Variants in AMHR2 observed in about 807,000 individuals in gnomAD.
AMHR2 encodes anti-Mullerian hormone receptor type 2, also known as anti-Muellerian hormone type-2 receptor.
A neutral mutation model predicts 61.4 loss-of-function variants in AMHR2; 36 were observed. The observed-to-expected ratio is 0.59, with a 90% CI of 0.45 to 0.77. The LOEUF is 0.77. Ranked by LOEUF, AMHR2 falls within the 30% of genes least tolerant of loss-of-function variation. AMHR2 has a pLI of 0.00. For missense variants in AMHR2, 638 were observed against 714.6 expected, an observed-to-expected ratio of 0.89 and a Z score of 1.22; for synonymous variants, 258 against 279.4, an observed-to-expected ratio of 0.92 and a Z score of 0.76.
rs927910397 is a variant in AMHR2, at chr12:53,427,582, T to A, written c.853-1314T>A. Among the ~76,000 whole-genome samples, 40 of 152,270 alleles carry A rather than the reference T, an allele frequency of 2.6e-4. No individual in the cohort carries two copies. The East Asian group carries it at 5.0e-3, about 19-fold the overall frequency. ...TACTCCTGGCTAATTTTTGTATTTT[T>A]AGTAGAGACGGGATTTCACCCTGTT... On this transcript the variant is annotated intron_variant, in intron 6 of 10. Transcript: ENST00000257863.
chr12:53,429,023 G>A lies in AMHR2; in HGVS notation c.967+13G>A. The A allele has an allele frequency of 6.5e-7, 1 of 1,543,852 alleles. No homozygotes were observed. Among genetic ancestry groups the A allele is most frequent in the Admixed American group, 2.0e-5 (1 of 50,982 alleles). On this transcript the variant is annotated intron_variant, in intron 7 of 10. Coordinates refer to ENST00000257863, the MANE Select transcript of AMHR2 (RefSeq NM_020547.3). The stretch of plus-strand genomic sequence containing the variant: ...CGCTGGCAGAATGGTGGGTGAGCTG[G>A]GCATAGGAAGTCAAGGGAGCCACAG...
rs1939989314 is a variant in AMHR2, at chr12:53,430,146, A to G, written c.1289A>G (p.Asp430Gly). ...ILSRCPDLRP[D>G]SSPPPFQLAY... ...ACCCAGCCCCTCTACCTTCCTCCAG[A>G]CAGCAGTCCACCACCCTTCCAACTG... is the stretch of plus-strand genomic sequence containing the variant. The change falls in exon 10 of 11, where the codon GAC becomes GGC. Residue 430 changes from aspartate to glycine, a missense_variant and splice_region_variant. Coordinates refer to ENST00000257863, the MANE Select transcript of AMHR2 (RefSeq NM_020547.3). 6.2e-7 allele frequency: 1 copy of G among 1,614,086 alleles called. No individual in the cohort carries two copies. Among genetic ancestry groups the G allele is most frequent in the Non-Finnish European group, 8.5e-7 (1 of 1,180,000 alleles).
At position 53,431,211 on chromosome 12, in the gene AMHR2, G is replaced by C; in HGVS notation, c.1460G>C (p.Cys487Ser). ...GGGCTGAGGGAGCTCCTAGAAGACT[G>C]TTGGGATGCAGACCCAGAAGCACGG... ...PDGLRELLEDCWDADPEARLT... is the reference protein window; with the variant it reads ...PDGLRELLEDSWDADPEARLT... The change falls in exon 11 of 11, where the codon TGT becomes TCT. Residue 487 changes from cysteine (C) to serine (S), a missense_variant. Coordinates refer to ENST00000257863, the MANE Select transcript of AMHR2 (RefSeq NM_020547.3). The C allele has an allele frequency of 6.2e-7, 1 of 1,614,264 alleles. No homozygotes were observed. The highest frequency in any genetic ancestry group is 8.5e-7 in the Non-Finnish European group (1 of 1,180,054).
Position 53,424,915 on chromosome 12 carries a change from G to A in AMHR2, c.424+15G>A, listed in dbSNP as rs368020686. The stretch of plus-strand genomic sequence containing the variant: ...GGCTGCCCCAGGTAGCCACCCAAGG[G>A]TACTGAAGCCTGATGGGGGCTGGGG... On this transcript the variant is annotated intron_variant, in intron 3 of 10. Transcript: ENST00000257863. The A allele has an allele frequency of 2.4e-4, 392 of 1,607,630 alleles. No individual in the cohort carries two copies. The highest frequency in any genetic ancestry group is 3.2e-4 in the Non-Finnish European group (380 of 1,179,434).
rs141101903 is a variant in AMHR2, at chr12:53,425,482, T to C, written c.530T>C (p.Val177Ala). Reference protein sequence around the residue: ...LALLQRKNYRVRGEPVPEPRP... With the variant: ...LALLQRKNYRARGEPVPEPRP... ...CTGCTACAGCGAAAGAACTACAGAG[T>C]GCGAGGTGAGCCAGTGCCAGAGCCA... Residue 177 changes from valine (V) to alanine (A), a missense_variant, in exon 5 of 11, where the codon GTG becomes GCG. By Grantham distance (64) the Val-to-Ala change is moderately conservative (BLOSUM62 0). Coordinates refer to ENST00000257863, the MANE Select transcript of AMHR2 (RefSeq NM_020547.3). 2 of 1,613,594 alleles carry C rather than the reference T, an allele frequency of 1.2e-6. No individual in the cohort carries two copies. Among genetic ancestry groups the C allele is most frequent in the Non-Finnish European group, 1.7e-6 (2 of 1,179,978 alleles).
At position 53,425,708 on chromosome 12, in the gene AMHR2, A is replaced by C. The variant is rs778721310; in HGVS notation, c.641A>C (p.His214Pro). 2 of 1,614,170 alleles carry C rather than the reference A, an allele frequency of 1.2e-6. No homozygotes were observed. The highest frequency in any genetic ancestry group is 1.1e-5 in the South Asian group (1 of 91,080). Residue 214 changes from histidine to proline, a missense_variant, in exon 6 of 11, where the codon CAT (histidine) becomes CCT (proline). By Grantham distance (77) the His-to-Pro change is moderately conservative (BLOSUM62 -2). Transcript: ENST00000257863. Reference sequence around the variant, plus strand: ...CAGCAGGTAATCCGGGAAGGAGGTCATGCAGTGGTTTGGGCCGGGCAGCTG... The same window carrying C: ...CAGCAGGTAATCCGGGAAGGAGGTCCTGCAGTGGTTTGGGCCGGGCAGCTG... ...CFSQVIREGG[H>P]AVVWAGQLQG... is the part of the protein sequence containing the mutation.
intron 2 of AMHR2, 86 bp downstream of exon 2, chr12:53,424,556 G>A: frequency 6.4e-7 from 1 of 1,565,460 alleles, no homozygotes; most frequent in Non-Finnish European, 8.7e-7. Context: ...GGGGGAAGGG[G>A]AGAAATAGAA....
At chr12:53,426,534 G>A (rs1247187062) in intron 6 of AMHR2, among the ~76,000 whole-genome samples, 3 of 151,066 alleles carry the variant, frequency 2.0e-5, no homozygotes, top group East Asian at 3.9e-4. Context: ...GAAGTGGAAG[G>A]AGCACCTGAG....
chr12:53,425,509 G>A lies in AMHR2; in HGVS notation c.557G>A (p.Arg186Lys). 1 of 1,614,108 alleles carries A rather than the reference G, an allele frequency of 6.2e-7. No homozygotes were observed. The highest frequency in any genetic ancestry group is 8.5e-7 in the Non-Finnish European group (1 of 1,180,034). Residue 186 changes from arginine (R) to lysine (K), a missense_variant, in exon 5 of 11, where the codon AGG (arginine) becomes AAG (lysine). Arg to Lys is a conservative substitution (Grantham distance 26). Transcript: ENST00000257863. ...RVRGEPVPEP[R>K]PDSGRDWSVE... ...CGAGGTGAGCCAGTGCCAGAGCCAAGGCCAGACTCAGGCAGGGACTGGAGT... is the reference window on the plus strand; with the variant it reads ...CGAGGTGAGCCAGTGCCAGAGCCAAAGCCAGACTCAGGCAGGGACTGGAGT...
At chr12:53,425,410 C>A in intron 4 of AMHR2, 45 bp from the exon 5 acceptor site, 1 of 1,608,646 alleles carries the variant, frequency 6.2e-7, no homozygotes, top group South Asian at 1.1e-5. Context: ...CTTTTCCTGT[C>A]CCTATGCATT....
At chr12:53,429,391 C>CAA (rs56681678) in intron 7 of AMHR2, 62 bp from the exon 8 acceptor site, 7,609 of 1,344,496 alleles carry the variant, frequency 5.7e-3, no homozygotes, top group Non-Finnish European at 6.4e-3. Flanking sequence ...GACGCCGACT[C>CAA]AAAAAAAAAA....
At chr12:53,428,091 G>GT (rs747174435) in intron 6 of AMHR2, among the ~76,000 whole-genome samples, 11 of 152,114 alleles carry the variant, frequency 7.2e-5, no homozygotes, top group Admixed American at 6.6e-4. Context: ...AAAAATCACT[G>GT]TTTTTTTGTT....
chr12:53,424,300 G>A lies in AMHR2; in HGVS notation c.62G>A (p.Arg21Lys), dbSNP rs1176959379. ...LPTAVEAPPN[R>K]RTCVFFEAPG... ...CCCTGGGCCTCAGCACCCCCAAACAGGCGAACCTGTGTGTTCTTTGAGGCC... is the reference window on the plus strand; with the variant it reads ...CCCTGGGCCTCAGCACCCCCAAACAAGCGAACCTGTGTGTTCTTTGAGGCC... The change falls in exon 2 of 11, where the codon AGG becomes AAG. Residue 21 changes from arginine to lysine, a missense_variant. Coordinates refer to ENST00000257863, the MANE Select transcript of AMHR2 (RefSeq NM_020547.3). 9.3e-6 allele frequency: 15 copies of A among 1,612,532 alleles called. No individual in the cohort carries two copies. The East Asian group carries it at 3.3e-4, about 36-fold the overall frequency.
rs762077507 is a variant in AMHR2, at chr12:53,425,774, C to A, written c.707C>A (p.Ser236Tyr). 68 of 1,614,074 alleles carry A rather than the reference C, an allele frequency of 4.2e-5. No individual in the cohort carries two copies. The highest frequency in any genetic ancestry group is 5.1e-5 in the Non-Finnish European group (60 of 1,180,050). ...GCCATCAAGGCCTTCCCACCGAGGT[C>A]TGTGGCTCAGTTCCAAGCTGAGAGA... ...LVAIKAFPPRSVAQFQAERAL... is the reference protein window; with the variant it reads ...LVAIKAFPPRYVAQFQAERAL... The change falls in exon 6 of 11, where the codon TCT becomes TAT. Residue 236 changes from serine to tyrosine, a missense_variant. By Grantham distance (144) the Ser-to-Tyr change is moderately radical. Transcript: ENST00000257863.
chr12:53,425,665 C>T (rs2136948518), intron 5 of AMHR2, 24 bp from the exon 6 acceptor site: 2 of 1,613,702 alleles, frequency 1.2e-6, no homozygotes, highest in South Asian at 1.1e-5. Context: ...CAGAGGCCCA[C>T]ACTCAGCACA....
chr12:53,431,304 CAG>C lies in AMHR2; in HGVS notation c.1558_1559del (p.Ser520LeufsTer25), dbSNP rs1472218906. 3 of 1,614,106 alleles carry C rather than the reference CAG, an allele frequency of 1.9e-6. No individual in the cohort carries two copies. In the African/African-American group the frequency reaches 4.0e-5, roughly 22 times the overall value. On this transcript the variant is annotated frameshift_variant, in exon 11 of 11. Transcript: ENST00000257863. LOFTEE classifies it low-confidence loss of function (END_TRUNC). ...CATCCTCAAGAGAGCCACCCCTTTC[CAG>C]AGAGCTGTCCACGTGGCTGCCCACC...
At position 53,430,245 on chromosome 12, in the gene AMHR2, G is replaced by T. The variant is rs765635891; in HGVS notation, c.1388G>T (p.Arg463Leu). The T allele has an allele frequency of 2.5e-6, 4 of 1,614,048 alleles. No individual in the cohort carries two copies. The highest frequency in any genetic ancestry group is 8.5e-7 in the Non-Finnish European group (1 of 1,180,040). ...LWALAVQERRRPYIPSTWRCF... is the reference protein window; with the variant it reads ...LWALAVQERRLPYIPSTWRCF... ...GCCTTGGCAGTGCAGGAGAGGAGGC[G>T]TCCCTACATCCCATCCACCTGGCGC... The change falls in exon 10 of 11, where the codon CGT becomes CTT. Residue 463 changes from arginine to leucine, a missense_variant. Coordinates refer to ENST00000257863, the MANE Select transcript of AMHR2 (RefSeq NM_020547.3).
chr12:53,428,364 A>G (rs1210779175), intron 6 of AMHR2, among the ~76,000 whole-genome samples: 2 of 152,120 alleles, frequency 1.3e-5, no homozygotes, highest in African/African-American at 4.8e-5. Flanking sequence ...CTGCCCGTCT[A>G]TGTGTACACA....
rs760383339 is a variant in AMHR2 at position 53,424,769 on chromosome 12, C to A, written c.293C>A (p.Ala98Asp). The A allele has an allele frequency of 2.5e-6, 4 of 1,613,768 alleles. No homozygotes were observed. Among genetic ancestry groups the A allele is most frequent in the African/African-American group, 1.3e-5 (1 of 74,868 alleles). Residue 98 changes from alanine (A) to aspartate (D), a missense_variant, in exon 3 of 11, where the codon GCC (alanine) becomes GAC (aspartate). Physicochemically the swap from Ala to Asp is moderately radical, Grantham distance 126 (BLOSUM62 -2). Coordinates refer to ENST00000257863, the MANE Select transcript of AMHR2 (RefSeq NM_020547.3). ...ESLHCDPSPR[A>D]HPSPGSTLFT... ...CTCCACTGTGACCCAAGTCCCCGAG[C>A]CCACCCCAGCCCTGGCTCCACTCTC...
Sources: gnomAD v4.1 joint callset for allele counts (sites outside exome capture counted in the v4.1 genomes callset) on GRCh38, gnomAD v4.1.1 for gene constraint, MANE v1.5 for transcripts, NCBI Gene and HGNC (gene_info 2026-07-23, HGNC 2026-07-21) for gene names.